The following NEGR1 variants were observed in gnomAD, a reference collection of about 807,000 sequenced individuals.
The protein encoded by NEGR1 is IgLON family member 4.
NEGR1 carries 10 observed loss-of-function variants against 40.9 expected under a neutral mutation model. The ratio of observed to expected loss-of-function variants is 0.24; its 90% CI spans 0.15 to 0.42. NEGR1 has a LOEUF of 0.42. Among genes scored for constraint, NEGR1 ranks in the 10% least tolerant of loss-of-function variants. The probability of loss-of-function intolerance (pLI) is 1.00; values close to 1 mark genes in which losing one functional copy is unlikely to be tolerated. For synonymous variants in NEGR1, 185 were observed against 166.8 expected, an observed-to-expected ratio of 1.11 and a Z score of -0.84; for missense variants, 352 against 438.9, an observed-to-expected ratio of 0.80 and a Z score of 1.77.
Position 71,533,087 on chromosome 1 carries a change from C to T in NEGR1, c.940+59730G>A, listed in dbSNP as rs138290825. 1.7e-3 allele frequency among the ~76,000 whole-genome samples: 261 copies of T among 151,616 alleles called. 3 individuals carry two copies. Among genetic ancestry groups the T allele is most frequent in the East Asian group, 8.7e-3 (44 of 5,084 alleles). On this transcript the variant is annotated intron_variant, in intron 6 of 6. Transcript: ENST00000357731. The stretch of plus-strand genomic sequence containing the variant: ...ATCCAATTTTATGAGGTTTACACAA[C>T]ACCCCATCACTGACTTTGATATTAG...
chr1:71,794,589 T>C (rs893879314), intron 2 of NEGR1: 2 of 152,008 alleles, frequency 1.3e-5, no homozygotes, highest in African/African-American at 2.4e-5. Context: ...GCCATGTACA[T>C]AAATAAGTTA....
At chr1:72,254,719 A>G (rs1001884001) in intron 1 of NEGR1, among the ~76,000 whole-genome samples, 2 of 144,848 alleles carry the variant, frequency 1.4e-5, no homozygotes, top group Non-Finnish European at 3.1e-5. Flanking sequence ...AAAAAAAAAA[A>G]GCATTTTATT....
chr1:71,658,575 A>G (rs1225033004), intron 4 of NEGR1, among the ~76,000 whole-genome samples: 1 of 152,098 alleles, frequency 6.6e-6, no homozygotes, highest in Non-Finnish European at 1.5e-5. Flanking sequence ...CATCTCATGC[A>G]TGTAATTTCT....
At chr1:71,690,619 CAGAGAGAG>C (rs59019409) in intron 4 of NEGR1, among the ~76,000 whole-genome samples, 2,526 of 67,652 alleles carry the variant, frequency 0.037, 21 homozygotes, top group African/African-American at 0.078. Flanking sequence ...TAGAGGGAGA[CAGAGAGAG>C]AGAGAGAGAG....
At chr1:71,474,517 TACACACAC>T (rs57225665) in intron 6 of NEGR1, among the ~76,000 whole-genome samples, 147 of 115,450 alleles carry the variant, frequency 1.3e-3, no homozygotes, top group Admixed American at 3.8e-3. Context: ...CTACTAACAA[TACACACAC>T]ACACACACAC....
intron 1 of NEGR1, among the ~76,000 whole-genome samples, chr1:72,089,673 A>G (rs1648385127): frequency 6.6e-6 from 1 of 152,132 alleles, no homozygotes; most frequent in Non-Finnish European, 1.5e-5. Flanking sequence ...TAACTTCTAT[A>G]TAAACCTTTT....
chr1:71,466,459 G>A (rs968430640), intron 6 of NEGR1, among the ~76,000 whole-genome samples: 4 of 151,928 alleles, frequency 2.6e-5, no homozygotes, highest in Admixed American at 6.6e-5. Flanking sequence ...TATAAACCAC[G>A]GGTATAATAA....
At chr1:71,600,940 G>A (rs11209800) in intron 5 of NEGR1, among the ~76,000 whole-genome samples, 42,659 of 152,072 alleles carry the variant, frequency 0.28, 7,342 homozygotes, top group East Asian at 0.61. Context: ...ACTGAGCGTG[G>A]TCCCTCCCTA....
At chr1:71,740,489 C>A (rs1365908485) in intron 3 of NEGR1, among the ~76,000 whole-genome samples, 2 of 152,122 alleles carry the variant, frequency 1.3e-5, no homozygotes, top group Admixed American at 6.6e-5. Context: ...ACACTATCCA[C>A]ATCCTAGGAA....
chr1:71,863,741 GA>G (rs1289042040), intron 2 of NEGR1, among the ~76,000 whole-genome samples: 1 of 152,070 alleles, frequency 6.6e-6, no homozygotes, highest in East Asian at 1.9e-4. Context: ...CCTCATTTGG[GA>G]ATAGACAGTA....
At chr1:72,062,222 T>G (rs988799983) in intron 1 of NEGR1, among the ~76,000 whole-genome samples, 1 of 151,888 alleles carries the variant, frequency 6.6e-6, no homozygotes, top group Non-Finnish European at 1.5e-5. Flanking sequence ...TCCTCCCCTT[T>G]GGAAGTTTTT....
intron 2 of NEGR1, among the ~76,000 whole-genome samples, chr1:71,852,753 G>C (rs1403484123): frequency 6.6e-6 from 1 of 150,810 alleles, no homozygotes; most frequent in East Asian, 2.0e-4. Flanking sequence ...ATACAGATGA[G>C]AGGTAAGTAG....
chr1:71,665,029 A>G (rs1230338991), intron 4 of NEGR1, among the ~76,000 whole-genome samples: 2 of 152,202 alleles, frequency 1.3e-5, no homozygotes, highest in Non-Finnish European at 2.9e-5. Context: ...TCAAAAGGTT[A>G]GGTCAGCAAA....
At chr1:71,723,221 T>C (rs1197861582) in intron 3 of NEGR1, among the ~76,000 whole-genome samples, 2 of 152,118 alleles carry the variant, frequency 1.3e-5, no homozygotes, top group Non-Finnish European at 2.9e-5. Flanking sequence ...CTCTTGGTGT[T>C]GTAACATAAA....
chr1:71,833,666 G>T (rs1403325596), intron 2 of NEGR1, among the ~76,000 whole-genome samples: 1 of 151,978 alleles, frequency 6.6e-6, no homozygotes, highest in Non-Finnish European at 1.5e-5. Context: ...CTTGACTCGG[G>T]CTTCTGACTG....
chr1:71,407,388 G>A lies in NEGR1; in HGVS notation c.*58C>T. 8 of 1,556,174 alleles carry A rather than the reference G, an allele frequency of 5.1e-6. No homozygotes were observed. In the South Asian group the frequency reaches 8.0e-5, roughly 16 times the overall value. On this transcript the variant is annotated 3_prime_UTR_variant, in exon 7 of 7. Coordinates refer to ENST00000357731, the MANE Select transcript of NEGR1 (RefSeq NM_173808.3). ...TGCTTTTAACAAACTGTACCAGATT[G>A]GATCCAGCCATCAGCACTTTCAGAG...
chr1:71,723,598 G>C (rs997776803), intron 3 of NEGR1, among the ~76,000 whole-genome samples: 4 of 152,086 alleles, frequency 2.6e-5, no homozygotes, highest in Non-Finnish European at 5.9e-5. Flanking sequence ...GCTCCACAGA[G>C]ACGGAAGTTT....
intron 1 of NEGR1, among the ~76,000 whole-genome samples, chr1:71,990,919 T>TATATATA (rs142869765): frequency 2.4e-5 from 2 of 85,056 alleles, no homozygotes; most frequent in African/African-American, 9.2e-5. Context: ...TATATATATA[T>TATATATA]TTTTTTTTTA....
At chr1:71,808,938 A>C (rs182648965) in intron 2 of NEGR1, among the ~76,000 whole-genome samples, 62 of 152,306 alleles carry the variant, frequency 4.1e-4, no homozygotes, top group African/African-American at 1.4e-3. Flanking sequence ...CCAATTCATC[A>C]CTGGCTAGTA....
Sources: gnomAD v4.1 joint callset for allele counts (sites outside exome capture counted in the v4.1 genomes callset) on GRCh38, gnomAD v4.1.1 for gene constraint, MANE v1.5 for transcripts, NCBI Gene and HGNC (gene_info 2026-07-23, HGNC 2026-07-21) for gene names.